ZNF618: variants seen among roughly 807,000 people sequenced by gnomAD.
The protein encoded by ZNF618 is neural precursor cell expressed, developmentally down-regulated 10.
A neutral mutation model predicts 103.0 loss-of-function variants in ZNF618; 34 were observed. That is an observed-to-expected ratio of 0.33 (90% CI 0.25 to 0.44). ZNF618 has a LOEUF of 0.44. ZNF618 is among the 20% of genes least tolerant of loss of function. The pLI is 1.00. For synonymous variants in ZNF618, 551 were observed against 542.2 expected, an observed-to-expected ratio of 1.02 and a Z score of -0.23; for missense variants, 1,059 against 1,295.4, an observed-to-expected ratio of 0.82 and a Z score of 2.80.
chr9:113,997,087 TTTC>T (rs551070252), intron 3 of ZNF618, among the ~76,000 whole-genome samples: 200 of 152,086 alleles, frequency 1.3e-3, no homozygotes, highest in African/African-American at 4.2e-3. Flanking sequence ...CTTCCTCTTC[TTTC>T]TTCTTCTTCT....
chr9:113,936,204 A>G lies in ZNF618; in HGVS notation c.34-32913A>G, dbSNP rs921163867. 4.3e-4 allele frequency among the ~76,000 whole-genome samples: 66 copies of G among 152,198 alleles called. 1 individual carries two copies. The highest frequency in any genetic ancestry group is 8.5e-4 in the Admixed American group (13 of 15,278). ...GTCAGAGACCAGGCTCCAGAGGCAG[A>G]CAGACCTGGGTCCAAAACCCAGTGC... On this transcript the variant is annotated intron_variant, in intron 1 of 14. Transcript: ENST00000374126.
chr9:113,996,713 C>T (rs1397835579), intron 3 of ZNF618, among the ~76,000 whole-genome samples: 1 of 152,156 alleles, frequency 6.6e-6, no homozygotes, highest in African/African-American at 2.4e-5. Flanking sequence ...GCTGGCAAGC[C>T]CTGCCAGCCA....
rs376849295 is a variant in ZNF618, at chr9:114,008,579, A to G, written c.754+25A>G. On this transcript the variant is annotated intron_variant, in intron 9 of 14. Transcript: ENST00000374126. ...AGTATGCGGGATTCCCTCTGGGGCC[A>G]AGGGCTGGGTGGGGGCTGGCCAAGG... is the stretch of plus-strand genomic sequence containing the variant. 3.8e-5 allele frequency: 61 copies of G among 1,612,494 alleles called. 1 individual carries two copies. In the Middle Eastern group the frequency reaches 9.9e-4, roughly 26 times the overall value.
intron 9 of ZNF618, among the ~76,000 whole-genome samples, chr9:114,014,750 C>A (rs942288592): frequency 2.1e-5 from 3 of 140,238 alleles, no homozygotes; most frequent in South Asian, 2.5e-4. Context: ...ACATGGATTG[C>A]AGGACACAAC....
chr9:113,951,402 CGTATAT>C (rs1213861172), intron 1 of ZNF618, among the ~76,000 whole-genome samples: 3 of 33,578 alleles, frequency 8.9e-5, no homozygotes, highest in Non-Finnish European at 6.7e-5. Flanking sequence ...TATATATATA[CGTATAT>C]ATACACACAT....
chr9:113,888,804 G>A (rs1234786577), intron 1 of ZNF618, among the ~76,000 whole-genome samples: 2 of 152,218 alleles, frequency 1.3e-5, no homozygotes, highest in Non-Finnish European at 2.9e-5. Flanking sequence ...GAAGGCATGT[G>A]CTGTTAGTTT....
intron 1 of ZNF618, among the ~76,000 whole-genome samples, chr9:113,886,527 T>C (rs1192837264): frequency 2.6e-5 from 4 of 152,198 alleles, no homozygotes; most frequent in Non-Finnish European, 5.9e-5. Flanking sequence ...GAAAAATAAC[T>C]ATAAACATTT....
intron 6 of ZNF618, among the ~76,000 whole-genome samples, chr9:114,004,482 C>G (rs932810719): frequency 5.3e-4 from 81 of 152,234 alleles, no homozygotes; most frequent in African/African-American, 2.0e-3. Context: ...TTCTGGGCCC[C>G]TGGCCTCTCC....
Position 114,040,337 on chromosome 9 carries a change from CTT to C in ZNF618, c.1246+3973_1246+3974del, listed in dbSNP as rs200093374. Among the ~76,000 whole-genome samples the C allele has an allele frequency of 3.4e-4, 49 of 142,258 alleles. No homozygotes were observed. The Middle Eastern group carries it at 0.011, about 32-fold the overall frequency. The allele number at this position is 142,258 out of a possible 152,430, so 93.3% of individuals were successfully genotyped here. On this transcript the variant is annotated intron_variant, in intron 13 of 14. Transcript: ENST00000374126. The stretch of plus-strand genomic sequence containing the variant: ...GTAAGAAAGGCTACTTGTTTTCTTT[CTT>C]TTTTTTTTTTTTATTGTACTTTAAG...
chr9:113,956,529 G>A (rs1836314982), intron 1 of ZNF618, among the ~76,000 whole-genome samples: 1 of 152,214 alleles, frequency 6.6e-6, no homozygotes, highest in South Asian at 2.1e-4. Flanking sequence ...CTTTTATGAA[G>A]CCTCATCTTG....
intron 1 of ZNF618, among the ~76,000 whole-genome samples, chr9:113,922,056 G>T (rs1588048940): frequency 2.0e-5 from 3 of 152,110 alleles, no homozygotes. Flanking sequence ...TCGATACTTT[G>T]ATGTATGTAC....
chr9:113,997,134 G>T (rs1564274341), intron 3 of ZNF618, among the ~76,000 whole-genome samples: 1 of 150,428 alleles, frequency 6.6e-6, no homozygotes, highest in Non-Finnish European at 1.5e-5. Context: ...TTGAGATAGG[G>T]TCTTACTCTG....
At chr9:114,007,239 A>T in intron 6 of ZNF618, 111 bp from the exon 7 acceptor site, 1 of 843,714 alleles carries the variant, frequency 1.2e-6, no homozygotes, top group Non-Finnish European at 1.9e-6. Context: ...TCCCTCCGCT[A>T]GCCAGACTGG....
Position 113,920,462 on chromosome 9 carries a change from T to C in ZNF618, c.33+44049T>C, listed in dbSNP as rs189668914. Among the ~76,000 whole-genome samples the C allele has an allele frequency of 2.0e-5, 3 of 151,820 alleles. No homozygotes were observed. In the East Asian group the frequency reaches 5.8e-4, roughly 29 times the overall value. On this transcript the variant is annotated intron_variant, in intron 1 of 14. Coordinates refer to ENST00000374126, the MANE Select transcript of ZNF618 (RefSeq NM_001318042.2). ...TGTTGCCCAGACTGGAGTTCAGTGGTGTGATCTCGGTTCATTGGAACTTCC... is the reference window on the plus strand; with the variant it reads ...TGTTGCCCAGACTGGAGTTCAGTGGCGTGATCTCGGTTCATTGGAACTTCC...
chr9:113,943,937 T>A (rs576089974), intron 1 of ZNF618, among the ~76,000 whole-genome samples: 1 of 152,236 alleles, frequency 6.6e-6, no homozygotes, highest in Admixed American at 6.5e-5. Flanking sequence ...AGAGTAAGAG[T>A]CAAGTGAGGC....
chr9:114,002,669 A>T lies in ZNF618; in HGVS notation c.550+7A>T. 6.2e-7 allele frequency: 1 copy of T among 1,610,988 alleles called. No individual in the cohort carries two copies. On this transcript the variant is annotated splice_region_variant and intron_variant, in intron 6 of 14. Coordinates refer to ENST00000374126, the MANE Select transcript of ZNF618 (RefSeq NM_001318042.2). ...GAGGGAGCCTCCCAAAGCAGTGAGTACTTTTTCCTCCTCGTGGGCTGCTGA... is the reference window on the plus strand; with the variant it reads ...GAGGGAGCCTCCCAAAGCAGTGAGTTCTTTTTCCTCCTCGTGGGCTGCTGA...
chr9:113,892,450 A>G (rs1017979906), intron 1 of ZNF618, among the ~76,000 whole-genome samples: 2 of 152,170 alleles, frequency 1.3e-5, no homozygotes. Flanking sequence ...TGTGGAACCC[A>G]TGAAGACAGA....
At chr9:113,983,416 G>T (rs1421334006) in intron 2 of ZNF618, among the ~76,000 whole-genome samples, 1 of 152,182 alleles carries the variant, frequency 6.6e-6, no homozygotes, top group Non-Finnish European at 1.5e-5. Context: ...GAAGGAAGTT[G>T]CCCATGCCTT....
At chr9:114,018,497 T>C (rs1170005795) in intron 10 of ZNF618, among the ~76,000 whole-genome samples, 1 of 152,264 alleles carries the variant, frequency 6.6e-6, no homozygotes, top group Non-Finnish European at 1.5e-5. Context: ...CTTTGGAGAC[T>C]ATCTTCAGTG....
Sources: allele counts gnomAD v4.1 joint callset (sites outside exome capture counted in the v4.1 genomes callset), GRCh38; gene constraint gnomAD v4.1.1; transcripts MANE v1.5; gene names NCBI Gene and HGNC (gene_info 2026-07-23, HGNC 2026-07-21).